The following IL22RA2 variants were observed in gnomAD, a reference collection of about 807,000 sequenced individuals.
IL22RA2 encodes the protein interleukin-22 receptor subunit alpha-2.
A neutral mutation model predicts 30.7 loss-of-function variants in IL22RA2; 39 were observed. That is an observed-to-expected ratio of 1.27 (90% CI 0.98 to 1.66). IL22RA2 has a LOEUF of 1.66. Among genes scored for constraint, IL22RA2 ranks in the 40% most tolerant of loss-of-function variants. The probability of loss-of-function intolerance (pLI) is 0.00; values close to 1 mark genes in which losing one functional copy is unlikely to be tolerated. For missense variants in IL22RA2, 315 were observed against 312.7 expected (o/e 1.01, Z -0.05); for synonymous variants, 103 against 105.0 (o/e 0.98, Z 0.11).
intron 5 of IL22RA2, among the ~76,000 whole-genome samples, 194 bp from the exon 6 acceptor site, chr6:137,148,085 T>G (rs1245009890): frequency 6.6e-6 from 1 of 152,040 alleles, no homozygotes; most frequent in African/African-American, 2.4e-5. Context: ...AAAACAAAAA[T>G]AAAAAAGAAA....
chr6:137,145,745 C>T lies in IL22RA2; in HGVS notation c.671G>A (p.Arg224Lys). Residue 224 changes from arginine to lysine, a missense_variant, in exon 7 of 7, where the codon AGA becomes AAA. Coordinates refer to ENST00000296980, the MANE Select transcript of IL22RA2 (RefSeq NM_052962.3). Reference protein sequence around the residue: ...KEQKVYEGAHRAVEIEALTPH... With the variant: ...KEQKVYEGAHKAVEIEALTPH... ...TGTTAGAGCTTCAATTTCAACCGCT[C>T]TGTGAGCCCCTTCATAAACCTTTTG... The T allele has an allele frequency of 6.2e-7, 1 of 1,613,980 alleles. No individual in the cohort carries two copies. Among genetic ancestry groups the T allele is most frequent in the South Asian group, 1.1e-5 (1 of 91,042 alleles).
At chr6:137,159,668 C>A (rs1212326788) in intron 2 of IL22RA2, among the ~76,000 whole-genome samples, 2 of 152,124 alleles carry the variant, frequency 1.3e-5, no homozygotes, top group Admixed American at 6.5e-5. Context: ...CTTCTGTCAC[C>A]CCGACCCCTG....
chr6:137,165,674 A>G lies in IL22RA2; in HGVS notation c.-65-3860T>C, dbSNP rs193098144. ...TGCAAGCAGATGGGACACTAGAAGA[A>G]TGAATGCCAAATTTTCCGGTGCCCT... is the stretch of plus-strand genomic sequence containing the variant. On this transcript the variant is annotated intron_variant, in intron 1 of 6. Transcript: ENST00000296980. Among the ~76,000 whole-genome samples, 100 of 152,276 alleles carry G rather than the reference A, an allele frequency of 6.6e-4. 1 individual carries two copies. Among genetic ancestry groups the G allele is most frequent in the African/African-American group, 2.3e-3 (95 of 41,552 alleles).
chr6:137,170,467 T>A (rs2114401630), intron 1 of IL22RA2, among the ~76,000 whole-genome samples: 1 of 152,336 alleles, frequency 6.6e-6, no homozygotes, highest in African/African-American at 2.4e-5. Flanking sequence ...AGTGAGTTCC[T>A]GCATGACTGC....
At chr6:137,158,701 T>C (rs1778460121) in intron 2 of IL22RA2, among the ~76,000 whole-genome samples, 1 of 152,190 alleles carries the variant, frequency 6.6e-6, no homozygotes. Flanking sequence ...ATCATAAACA[T>C]GTACGTGATA....
intron 1 of IL22RA2, among the ~76,000 whole-genome samples, chr6:137,168,088 C>A (rs1441855707): frequency 1.3e-5 from 2 of 152,148 alleles, no homozygotes; most frequent in Non-Finnish European, 2.9e-5. Flanking sequence ...AATACTGAAG[C>A]CACTGACACT....
chr6:137,147,588 GAGTA>G (rs1225864989), intron 6 of IL22RA2, 130 bp downstream of exon 6: 1 of 719,656 alleles, frequency 1.4e-6, no homozygotes, highest in African/African-American at 1.8e-5. Context: ...TGATGGCTGA[GAGTA>G]AGAAGAAATT....
intron 3 of IL22RA2, among the ~76,000 whole-genome samples, chr6:137,157,268 C>T (rs778362613): frequency 6.6e-6 from 1 of 152,110 alleles, no homozygotes; most frequent in African/African-American, 2.4e-5. Flanking sequence ...AATAGGTCCA[C>T]TTTTGACCTA....
chr6:137,159,715 G>T (rs991807475), intron 2 of IL22RA2, among the ~76,000 whole-genome samples: 3 of 152,124 alleles, frequency 2.0e-5, no homozygotes, highest in Non-Finnish European at 2.9e-5. Context: ...GCTCCACCAT[G>T]ACTCCAGTGA....
At chr6:137,158,706 G>A (rs369995086) in intron 2 of IL22RA2, among the ~76,000 whole-genome samples, 3 of 152,150 alleles carry the variant, frequency 2.0e-5, no homozygotes, top group Admixed American at 6.5e-5. Context: ...AAACATGTAC[G>A]TGATACCTTC....
intron 5 of IL22RA2, among the ~76,000 whole-genome samples, chr6:137,152,364 C>T (rs1190584014): frequency 6.6e-6 from 1 of 152,092 alleles, no homozygotes; most frequent in African/African-American, 2.4e-5. Flanking sequence ...TGTGGTATAT[C>T]CATATAATGT....
chr6:137,146,990 T>G (rs1488636382), intron 6 of IL22RA2, among the ~76,000 whole-genome samples: 2 of 145,576 alleles, frequency 1.4e-5, no homozygotes, highest in African/African-American at 2.5e-5. Context: ...AGTCAGACCC[T>G]GTCTCAAAAA....
chr6:137,153,709 G>T (rs1325657686), intron 5 of IL22RA2, among the ~76,000 whole-genome samples: 1 of 152,170 alleles, frequency 6.6e-6, no homozygotes, highest in East Asian at 1.9e-4. Flanking sequence ...GCATAATATA[G>T]TTATAAATAC....
intron 6 of IL22RA2, among the ~76,000 whole-genome samples, chr6:137,146,418 T>C (rs1323200139): frequency 6.6e-6 from 1 of 152,134 alleles, no homozygotes; most frequent in Non-Finnish European, 1.5e-5. Context: ...TGTGGCCACA[T>C]AGAGACAGAA....
chr6:137,164,511 C>T (rs1000916506), intron 1 of IL22RA2, among the ~76,000 whole-genome samples: 1 of 152,200 alleles, frequency 6.6e-6, no homozygotes, highest in African/African-American at 2.4e-5. Context: ...AAAACCTGTC[C>T]TACAGGCCCC....
chr6:137,167,337 C>A (rs1436672547), intron 1 of IL22RA2, among the ~76,000 whole-genome samples: 1 of 152,184 alleles, frequency 6.6e-6, no homozygotes, highest in African/African-American at 2.4e-5. Context: ...GAGTCAGGTG[C>A]ACCCCTACTA....
intron 1 of IL22RA2, among the ~76,000 whole-genome samples, chr6:137,169,037 G>GTCTCT (rs2114398823): frequency 6.6e-6 from 1 of 152,304 alleles, no homozygotes; most frequent in South Asian, 2.1e-4. Context: ...GAGATCAATG[G>GTCTCT]CCCTGGGAAG....
intron 6 of IL22RA2, among the ~76,000 whole-genome samples, chr6:137,147,430 T>TA (rs1467901127): frequency 1.3e-5 from 2 of 151,670 alleles, no homozygotes; most frequent in South Asian, 2.1e-4. Flanking sequence ...GCAAAGCCCG[T>TA]AAAAATGAAT....
chr6:137,145,466 TA>T lies in IL22RA2; in HGVS notation c.*157del. The T allele has an allele frequency of 1.7e-6, 1 of 598,140 alleles. No homozygotes were observed. The allele number at this position is 598,140 out of a possible 1,614,324, so 37.1% of individuals were successfully genotyped here. A position where few individuals can be genotyped will look rare whatever the true frequency, so the allele number is the denominator to read the frequency against. On this transcript the variant is annotated 3_prime_UTR_variant, in exon 7 of 7. Transcript: ENST00000296980. The stretch of plus-strand genomic sequence containing the variant: ...TAGTTTACAAATGAAATATAAAGGA[TA>T]AAAGAATGGATAAACAAAGAAGTCC...
Sources: allele counts gnomAD v4.1 joint callset (sites outside exome capture counted in the v4.1 genomes callset), GRCh38; gene constraint gnomAD v4.1.1; transcripts MANE v1.5; gene names NCBI Gene and HGNC (gene_info 2026-07-23, HGNC 2026-07-21).